GJB7: variants seen among roughly 807,000 people sequenced by gnomAD.
GJB7 encodes gap junction protein beta 7.
For synonymous variants in GJB7, 87 were observed against 95.2 expected (o/e 0.91, Z 0.50); for missense variants, 253 against 256.8 (o/e 0.99, Z 0.10).
At chr6:87,323,528 G>C (rs972458218) in intron 1 of GJB7, among the ~76,000 whole-genome samples, 1 of 149,636 alleles carries the variant, frequency 6.7e-6, no homozygotes, top group Non-Finnish European at 1.5e-5. Flanking sequence ...TGTGATGTTT[G>C]CTTTTTTGTT....
chr6:87,284,355 G>GGT lies in GJB7; in HGVS notation c.556_557dup (p.Ser187ProfsTer8). ...AATTCAACACAATACACAAGCATGA[G>GGT]GTGATGACCAAGAAGAGGATGAAGA... On this transcript the variant is annotated frameshift_variant, in exon 3 of 3. Transcript: ENST00000525899. LOFTEE classifies it low-confidence loss of function (END_TRUNC). The GGT allele has an allele frequency of 6.2e-7, 1 of 1,614,070 alleles. No homozygotes were observed. Among genetic ancestry groups the GGT allele is most frequent in the Non-Finnish European group, 8.5e-7 (1 of 1,179,974 alleles).
intron 2 of GJB7, among the ~76,000 whole-genome samples, chr6:87,291,445 A>G (rs915206340): frequency 1.3e-5 from 2 of 152,214 alleles, no homozygotes; most frequent in Non-Finnish European, 2.9e-5. Flanking sequence ...CTGTATAAGC[A>G]TTGTCATTTT....
chr6:87,302,740 G>A (rs1329362461), intron 2 of GJB7, among the ~76,000 whole-genome samples: 7 of 152,178 alleles, frequency 4.6e-5, no homozygotes, highest in Admixed American at 1.3e-4. Context: ...ATTCACCAAA[G>A]TTGAAATGAA....
intron 2 of GJB7, among the ~76,000 whole-genome samples, chr6:87,313,793 A>G (rs534625225): frequency 3.9e-5 from 6 of 152,350 alleles, no homozygotes; most frequent in Non-Finnish European, 7.3e-5. Flanking sequence ...TTTGAGGAGC[A>G]GCAGCAGCAC....
intron 1 of GJB7, among the ~76,000 whole-genome samples, chr6:87,324,794 C>A (rs945085772): frequency 1.3e-5 from 2 of 152,122 alleles, no homozygotes; most frequent in Non-Finnish European, 2.9e-5. Context: ...TAGCTTTTTC[C>A]AATTCTATGA....
At chr6:87,319,903 G>A (rs942695311) in intron 2 of GJB7, among the ~76,000 whole-genome samples, 3 of 152,166 alleles carry the variant, frequency 2.0e-5, no homozygotes, top group Non-Finnish European at 4.4e-5. Context: ...AGTGAAATAA[G>A]CCAGGCACAG....
intron 2 of GJB7, among the ~76,000 whole-genome samples, chr6:87,286,574 A>G (rs1205023904): frequency 6.6e-6 from 1 of 152,158 alleles, no homozygotes; most frequent in Non-Finnish European, 1.5e-5. Flanking sequence ...TTCTCAATAA[A>G]AGCTAATAAG....
chr6:87,310,388 G>C (rs180766048), intron 2 of GJB7, among the ~76,000 whole-genome samples: 73 of 152,214 alleles, frequency 4.8e-4, no homozygotes, highest in Middle Eastern at 3.4e-3. Flanking sequence ...ACCATCAAGA[G>C]AGTAAAAAGG....
chr6:87,328,267 C>G (rs1334905682), intron 1 of GJB7, among the ~76,000 whole-genome samples: 2 of 151,576 alleles, frequency 1.3e-5, no homozygotes, highest in Admixed American at 6.6e-5. Flanking sequence ...AAGTCATTCT[C>G]CGTCCAACTT....
intron 2 of GJB7, among the ~76,000 whole-genome samples, chr6:87,315,743 C>T (rs757168967): frequency 6.8e-6 from 1 of 147,888 alleles, no homozygotes; most frequent in African/African-American, 2.5e-5. Flanking sequence ...TTGCAGTGAG[C>T]CAAGATCACA....
chr6:87,327,288 G>C (rs1254035391), intron 1 of GJB7, among the ~76,000 whole-genome samples: 1 of 150,008 alleles, frequency 6.7e-6, no homozygotes, highest in Non-Finnish European at 1.5e-5. Context: ...ATATTGTTAT[G>C]TGTGAATTTG....
In GJB7 at chr6:87,284,772, C is replaced by T; in HGVS notation, c.141G>A (p.Glu47=). The change falls in exon 3 of 3, where the codon GAG becomes GAA. Residue 47 remains glutamate (E), a synonymous_variant. Coordinates refer to ENST00000525899, the MANE Select transcript of GJB7 (RefSeq NM_198568.3). ...TACTGTTGCACTCAAACTCTTTCTG[C>T]TCATCTTTCCACACGTGCTCTGCTG... is the stretch of plus-strand genomic sequence containing the variant. The part of the protein sequence containing the change: ...MVAAEHVWKD[E]QKEFECNSRQ... The T allele has an allele frequency of 6.2e-7, 1 of 1,614,110 alleles. No homozygotes were observed. The highest frequency in any genetic ancestry group is 8.5e-7 in the Non-Finnish European group (1 of 1,180,020).
chr6:87,315,284 C>G (rs1439318192), intron 2 of GJB7, among the ~76,000 whole-genome samples: 1 of 152,138 alleles, frequency 6.6e-6, no homozygotes, highest in African/African-American at 2.4e-5. Flanking sequence ...GACCTTAACC[C>G]TGGCCTGTCC....
At chr6:87,328,620 C>G (rs1776903583) in intron 1 of GJB7, among the ~76,000 whole-genome samples, 1 of 152,198 alleles carries the variant, frequency 6.6e-6, no homozygotes, top group African/African-American at 2.4e-5. Flanking sequence ...CTCAGATCTC[C>G]AGCTGCGTGC....
chr6:87,299,515 A>G (rs1776291050), intron 2 of GJB7: 2 of 333,684 alleles, frequency 6.0e-6, no homozygotes, highest in South Asian at 5.6e-5. Flanking sequence ...TAGTGTCCAG[A>G]CCACTGTACC....
chr6:87,286,352 T>G (rs1776059279), intron 2 of GJB7, among the ~76,000 whole-genome samples: 1 of 152,150 alleles, frequency 6.6e-6, no homozygotes, highest in Non-Finnish European at 1.5e-5. Flanking sequence ...CATCCTAGAC[T>G]CCTCTCTCAT....
At position 87,283,431 on chromosome 6, in the gene GJB7, G is replaced by T. The variant is rs1161340670; in HGVS notation, c.*810C>A. On this transcript the variant is annotated 3_prime_UTR_variant, in exon 3 of 3. Coordinates refer to ENST00000525899, the MANE Select transcript of GJB7 (RefSeq NM_198568.3). ...AGAGTGACCCTTTCGGATGTCTGCT[G>T]GTTCAGGCTTAAGTGGGATACCTCC... The T allele has an allele frequency of 6.6e-6, 1 of 152,172 alleles. No individual in the cohort carries two copies. The highest frequency in any genetic ancestry group is 1.5e-5 in the Non-Finnish European group (1 of 68,046). The allele number at this position is 152,172 out of a possible 1,614,324, so 9.4% of individuals were successfully genotyped here.
intron 2 of GJB7, among the ~76,000 whole-genome samples, chr6:87,294,110 A>T (rs1036715907): frequency 6.6e-6 from 1 of 152,214 alleles, no homozygotes; most frequent in African/African-American, 2.4e-5. Context: ...GTAATAGAAA[A>T]TAACACCATA....
intron 2 of GJB7, among the ~76,000 whole-genome samples, chr6:87,305,106 A>G (rs993340973): frequency 1.3e-5 from 2 of 152,220 alleles, no homozygotes; most frequent in African/African-American, 4.8e-5. Flanking sequence ...TTCCCTTTGA[A>G]AACTGGCATA....
Sources: gnomAD v4.1 joint callset for allele counts (sites outside exome capture counted in the v4.1 genomes callset) on GRCh38, gnomAD v4.1.1 for gene constraint, MANE v1.5 for transcripts, NCBI Gene and HGNC (gene_info 2026-07-23, HGNC 2026-07-21) for gene names.